PIGL: variants seen among roughly 807,000 people sequenced by gnomAD.
PIGL encodes N-acetylglucosaminyl-phosphatidylinositol de-N-acetylase.
A neutral mutation model predicts 31.1 loss-of-function variants in PIGL; 22 were observed. That is an observed-to-expected ratio of 0.71 (90% CI 0.51 to 1.01). PIGL has a LOEUF of 1.01. Among genes scored for constraint, PIGL ranks in the 50% least tolerant of loss-of-function variants. The pLI, the probability that PIGL is intolerant of heterozygous loss-of-function variation, is 0.00. For missense variants in PIGL, 302 were observed against 315.9 expected (o/e 0.96, Z 0.33); for synonymous variants, 131 against 117.4 (o/e 1.12, Z -0.75).
chr17:16,217,795 T>C, intron 1 of PIGL: 1 of 286,744 alleles, frequency 3.5e-6, no homozygotes, highest in Non-Finnish European at 6.7e-6. Flanking sequence ...GGAGCAAGAA[T>C]ATTGACCTTA....
chr17:16,248,142 T>C (rs1212492124), intron 2 of PIGL, among the ~76,000 whole-genome samples: 1 of 152,194 alleles, frequency 6.6e-6, no homozygotes, highest in Non-Finnish European at 1.5e-5. Flanking sequence ...AGCCTTGGCC[T>C]CCCAAAGTGC....
intron 6 of PIGL, among the ~76,000 whole-genome samples, chr17:16,319,573 G>A (rs142137664): frequency 2.0e-5 from 3 of 152,120 alleles, no homozygotes; most frequent in East Asian, 3.9e-4. Context: ...AGGGCAACAC[G>A]GCGAAACCCC....
At chr17:16,237,101 C>CTT (rs71150281) in intron 2 of PIGL, among the ~76,000 whole-genome samples, 463 of 58,142 alleles carry the variant, frequency 8.0e-3, no homozygotes, top group East Asian at 9.3e-3. Flanking sequence ...CCACACCTGG[C>CTT]TTTTTTTTTT....
chr17:16,305,166 A>G (rs1244428171), intron 3 of PIGL, among the ~76,000 whole-genome samples: 1 of 151,998 alleles, frequency 6.6e-6, no homozygotes, highest in Admixed American at 6.6e-5. Flanking sequence ...AATCCCAGCT[A>G]CTCAGGAGGC....
intron 4 of PIGL, among the ~76,000 whole-genome samples, chr17:16,313,817 G>A (rs570849164): frequency 6.6e-6 from 1 of 152,256 alleles, no homozygotes; most frequent in East Asian, 1.9e-4. Flanking sequence ...GTCCTAGTAC[G>A]AATGCTCGTC....
chr17:16,220,934 G>A (rs2092625948), intron 1 of PIGL, among the ~76,000 whole-genome samples: 2 of 152,130 alleles, frequency 1.3e-5, no homozygotes, highest in Non-Finnish European at 2.9e-5. Flanking sequence ...AGCATGGCCT[G>A]TTTGTTTATT....
intron 2 of PIGL, among the ~76,000 whole-genome samples, chr17:16,246,690 T>TTTTTTTTTTTTTTTTTTTTTTTA (rs2092749517): frequency 1.0e-5 from 1 of 97,590 alleles, no homozygotes; most frequent in Non-Finnish European, 2.2e-5. Context: ...TTTTTTTTTT[T>TTTTTTTTTTTTTTTTTTTTTTTA]TTTTTTGAGA....
intron 2 of PIGL, among the ~76,000 whole-genome samples, chr17:16,286,172 C>A (rs2092936757): frequency 6.6e-6 from 1 of 152,338 alleles, no homozygotes; most frequent in East Asian, 1.9e-4. Context: ...GCCACAAGAC[C>A]AAATAAGGGC....
intron 2 of PIGL, among the ~76,000 whole-genome samples, chr17:16,259,714 A>G (rs913877247): frequency 6.6e-6 from 1 of 152,192 alleles, no homozygotes; most frequent in Non-Finnish European, 1.5e-5. Flanking sequence ...GGCTACTGCC[A>G]TGACACCAGC....
chr17:16,249,281 C>G (rs1190880852), intron 2 of PIGL, among the ~76,000 whole-genome samples: 4 of 152,132 alleles, frequency 2.6e-5, no homozygotes, highest in Non-Finnish European at 5.9e-5. Context: ...GAGTTCAAGA[C>G]CAGCCTGGTC....
chr17:16,308,927 C>T (rs956658294), intron 3 of PIGL, among the ~76,000 whole-genome samples: 1 of 151,866 alleles, frequency 6.6e-6, no homozygotes, highest in Admixed American at 6.6e-5. Flanking sequence ...GCTGAGACTA[C>T]AGGCACGTGC....
intron 4 of PIGL, 56 bp downstream of exon 4, chr17:16,313,670 C>A: frequency 7.4e-7 from 1 of 1,359,090 alleles, no homozygotes; most frequent in Non-Finnish European, 1.1e-6. Context: ...GATTAGGGCT[C>A]ATGGTTTAAA....
Position 16,316,878 on chromosome 17 carries a change from G to A in PIGL, c.526+166G>A, listed in dbSNP as rs141525505. The A allele has an allele frequency of 7.6e-5, 107 of 1,399,342 alleles. No individual in the cohort carries two copies. The East Asian group carries it at 2.7e-3, about 36-fold the overall frequency. The allele number at this position is 1,399,342 out of a possible 1,614,324, so 86.7% of individuals were successfully genotyped here. On this transcript the variant is annotated intron_variant, in intron 5 of 6. Transcript: ENST00000225609. ...CTCACCTCAAGGTACCTGGCAGGTT[G>A]TATCTACCAGCAAGTGCCTGCCTGC...
chr17:16,249,628 G>GC (rs1306243345), intron 2 of PIGL, among the ~76,000 whole-genome samples: 1 of 152,204 alleles, frequency 6.6e-6, no homozygotes, highest in Admixed American at 6.6e-5. Flanking sequence ...TCAGTCCAAG[G>GC]CCGAGGGCCT....
At chr17:16,258,385 G>A (rs1012324523) in intron 2 of PIGL, among the ~76,000 whole-genome samples, 5 of 151,448 alleles carry the variant, frequency 3.3e-5, no homozygotes, top group African/African-American at 4.8e-5. Flanking sequence ...TTGCGATATC[G>A]GCCAGGCTGG....
At chr17:16,244,599 C>T (rs1440128939) in intron 2 of PIGL, among the ~76,000 whole-genome samples, 1 of 152,196 alleles carries the variant, frequency 6.6e-6, no homozygotes, top group Non-Finnish European at 1.5e-5. Context: ...GCATTCAGTA[C>T]ACTCCTCAAC....
At chr17:16,310,211 C>CA (rs1399061156) in intron 3 of PIGL, among the ~76,000 whole-genome samples, 1 of 151,610 alleles carries the variant, frequency 6.6e-6, no homozygotes, top group African/African-American at 2.4e-5. Flanking sequence ...ACTTTGTCAA[C>CA]ATGTTAATAA....
At chr17:16,286,587 G>C (rs139121692) in intron 2 of PIGL, among the ~76,000 whole-genome samples, 1 of 152,296 alleles carries the variant, frequency 6.6e-6, no homozygotes, top group Non-Finnish European at 1.5e-5. Flanking sequence ...AGCCTGGCTT[G>C]TTTCCTGAAC....
chr17:16,307,318 T>G (rs2093030287), intron 3 of PIGL, among the ~76,000 whole-genome samples: 1 of 152,198 alleles, frequency 6.6e-6, no homozygotes, highest in South Asian at 2.1e-4. Context: ...TTGGTCCTCT[T>G]GCTAGGCCAT....
Sources: allele counts gnomAD v4.1 joint callset (sites outside exome capture counted in the v4.1 genomes callset), GRCh38; gene constraint gnomAD v4.1.1; transcripts MANE v1.5; gene names NCBI Gene and HGNC (gene_info 2026-07-23, HGNC 2026-07-21).